Variants in MYO5A observed in about 807,000 individuals in gnomAD.
MYO5A encodes the protein myosin VA, also known as unconventional myosin-Va.
Under a neutral mutation model 249.7 loss-of-function variants are expected in MYO5A, and 98 were observed. The observed-to-expected ratio is 0.39, with a 90% CI of 0.33 to 0.46. The LOEUF is 0.46. Ranked by LOEUF, MYO5A falls within the 20% of genes least tolerant of loss-of-function variation. The pLI, the probability that MYO5A is intolerant of heterozygous loss-of-function variation, is 0.98. For synonymous variants in MYO5A, 778 were observed against 810.6 expected (o/e 0.96, Z 0.68); for missense variants, 1,696 against 2,308.8 (o/e 0.73, Z 5.44).
chr15:52,500,755 C>T (rs1208026479), intron 1 of MYO5A, among the ~76,000 whole-genome samples: 1 of 151,898 alleles, frequency 6.6e-6, no homozygotes, highest in African/African-American at 2.4e-5. Flanking sequence ...TTTCTTAGTA[C>T]CCTCCAAATC....
chr15:52,511,460 A>C (rs1168683510), intron 1 of MYO5A, among the ~76,000 whole-genome samples: 1 of 152,202 alleles, frequency 6.6e-6, no homozygotes, highest in African/African-American at 2.4e-5. Flanking sequence ...CTTTAGCCTA[A>C]GTCAACCTTT....
intron 12 of MYO5A, among the ~76,000 whole-genome samples, chr15:52,391,025 T>C (rs1342605452): frequency 6.6e-6 from 1 of 152,212 alleles, no homozygotes; most frequent in Non-Finnish European, 1.5e-5. Context: ...TTTCTTCTTA[T>C]ATGTATATAC....
intron 1 of MYO5A, among the ~76,000 whole-genome samples, chr15:52,493,564 A>G (rs2076977406): frequency 6.6e-6 from 1 of 152,136 alleles, no homozygotes; most frequent in Non-Finnish European, 1.5e-5. Flanking sequence ...CGGGAGGCTG[A>G]GGCAAGAGAA....
chr15:52,419,500 T>C (rs2043685654), intron 4 of MYO5A, among the ~76,000 whole-genome samples: 1 of 152,184 alleles, frequency 6.6e-6, no homozygotes, highest in Non-Finnish European at 1.5e-5. Flanking sequence ...TTTTAATTAG[T>C]CTCAATAAGA....
chr15:52,392,695 C>T (rs940259072), intron 11 of MYO5A, among the ~76,000 whole-genome samples: 5 of 152,240 alleles, frequency 3.3e-5, no homozygotes, highest in African/African-American at 4.8e-5. Flanking sequence ...AGCCACTGTC[C>T]TCACCATTGC....
intron 1 of MYO5A, among the ~76,000 whole-genome samples, chr15:52,446,125 G>T (rs2075884989): frequency 6.6e-6 from 1 of 152,212 alleles, no homozygotes; most frequent in South Asian, 2.1e-4. Flanking sequence ...GGCCTGGAAG[G>T]CATTTCGGAG....
chr15:52,314,867 T>C (rs116961455), intron 40 of MYO5A, among the ~76,000 whole-genome samples: 12 of 152,330 alleles, frequency 7.9e-5, no homozygotes, highest in Non-Finnish European at 1.6e-4. Flanking sequence ...ATTTTCAAGG[T>C]ATTGTCTAAA....
chr15:52,442,394 G>A (rs1365626058), intron 1 of MYO5A, among the ~76,000 whole-genome samples: 1 of 152,146 alleles, frequency 6.6e-6, no homozygotes, highest in Admixed American at 6.5e-5. Context: ...CTGAACACAT[G>A]GTGCATTCTG....
At chr15:52,358,946 A>T (rs1345466241) in intron 25 of MYO5A, among the ~76,000 whole-genome samples, 1 of 152,196 alleles carries the variant, frequency 6.6e-6, no homozygotes, top group Non-Finnish European at 1.5e-5. Context: ...GTTGCAGTAC[A>T]GAATCCCTGG....
At chr15:52,472,972 T>C (rs1038211259) in intron 1 of MYO5A, among the ~76,000 whole-genome samples, 1 of 152,258 alleles carries the variant, frequency 6.6e-6, no homozygotes, top group Admixed American at 6.5e-5. Flanking sequence ...TGCCACACTG[T>C]CTTCCACAAT....
intron 1 of MYO5A, among the ~76,000 whole-genome samples, chr15:52,491,442 C>T (rs2076934159): frequency 6.6e-6 from 1 of 152,166 alleles, no homozygotes; most frequent in Non-Finnish European, 1.5e-5. Context: ...CCCCACATTT[C>T]CACCTACATC....
chr15:52,399,354 G>C (rs1468001479), intron 9 of MYO5A, among the ~76,000 whole-genome samples: 1 of 152,100 alleles, frequency 6.6e-6, no homozygotes, highest in Non-Finnish European at 1.5e-5. Flanking sequence ...CTAGAGTGTG[G>C]TGGTACAATC....
intron 4 of MYO5A, among the ~76,000 whole-genome samples, chr15:52,422,785 T>G: frequency 6.6e-6 from 1 of 152,146 alleles, no homozygotes; most frequent in East Asian, 1.9e-4. Context: ...GGCACCATCT[T>G]GGCCCACTGC....
At chr15:52,510,293 A>G (rs1250472624) in intron 1 of MYO5A, among the ~76,000 whole-genome samples, 1 of 152,244 alleles carries the variant, frequency 6.6e-6, no homozygotes, top group Non-Finnish European at 1.5e-5. Context: ...ACCAATATAT[A>G]CATTTTAAAA....
At chr15:52,481,208 G>T (rs937496607) in intron 1 of MYO5A, among the ~76,000 whole-genome samples, 2 of 152,202 alleles carry the variant, frequency 1.3e-5, no homozygotes, top group African/African-American at 4.8e-5. Flanking sequence ...ACTCATGATT[G>T]ACACATTGCT....
intron 5 of MYO5A, among the ~76,000 whole-genome samples, chr15:52,413,083 G>A (rs2043319388): frequency 6.6e-6 from 1 of 150,516 alleles, no homozygotes; most frequent in Non-Finnish European, 1.5e-5. Context: ...GGAGGTGGAG[G>A]CTGCAGTGAG....
chr15:52,480,906 G>C (rs1199490882), intron 1 of MYO5A, among the ~76,000 whole-genome samples: 4 of 152,154 alleles, frequency 2.6e-5, no homozygotes, highest in African/African-American at 9.7e-5. Context: ...AGTACTTACT[G>C]AGTACCAACA....
At chr15:52,528,402 G>C (rs2077763636) in intron 1 of MYO5A, among the ~76,000 whole-genome samples, 1 of 152,190 alleles carries the variant, frequency 6.6e-6, no homozygotes, top group Non-Finnish European at 1.5e-5. Flanking sequence ...GAACCCATCC[G>C]ATCTACTGGA....
At chr15:52,438,076 ACT>A (rs1157530238) in intron 1 of MYO5A, 2 of 984,880 alleles carry the variant, frequency 2.0e-6, no homozygotes, top group South Asian at 4.7e-5. Context: ...GAGATCAGTG[ACT>A]CTGCAGAAAC....
Sources: gnomAD v4.1 joint callset for allele counts (sites outside exome capture counted in the v4.1 genomes callset) on GRCh38, gnomAD v4.1.1 for gene constraint, MANE v1.5 for transcripts, NCBI Gene and HGNC (gene_info 2026-07-23, HGNC 2026-07-21) for gene names.